Variants in SCAF4 observed in about 807,000 individuals in gnomAD.
The protein encoded by SCAF4 is SR-related CTD associated factor 4.
In SCAF4, 25 loss-of-function variants were observed where a neutral mutation model predicts 129.8. That is an observed-to-expected ratio of 0.19 (90% CI 0.14 to 0.27). SCAF4 has a LOEUF of 0.27. SCAF4 is among the 10% of genes least tolerant of loss of function. SCAF4 has a pLI of 1.00. For missense variants in SCAF4, 1,246 were observed against 1,457.1 expected (o/e 0.86, Z 2.36); for synonymous variants, 551 against 497.7 (o/e 1.11, Z -1.43).
intron 1 of SCAF4, among the ~76,000 whole-genome samples, chr21:31,727,661 G>A (rs1218573959): frequency 6.6e-6 from 1 of 151,974 alleles, no homozygotes; most frequent in Non-Finnish European, 1.5e-5. Context: ...GAGTGGTGGT[G>A]TGCTCCTGTA....
At position 31,671,489 on chromosome 21, in the gene SCAF4, G is replaced by T. The variant is rs575462538; in HGVS notation, c.3354C>A (p.Val1118=). Residue 1118 remains valine (V), a synonymous_variant, in exon 20 of 20, where the codon GTC becomes GTA. Transcript: ENST00000286835. ...ELEKGVSEAA[V]LKPSEELPAE... is the part of the protein sequence containing the mutation. Reference sequence around the variant, plus strand: ...CAGGTAACTCTTCAGAAGGCTTTAGGACTGCAGCCTCAGACACCCCCTTCT... The same window carrying T: ...CAGGTAACTCTTCAGAAGGCTTTAGTACTGCAGCCTCAGACACCCCCTTCT... The T allele has an allele frequency of 1.9e-6, 3 of 1,614,170 alleles. No individual in the cohort carries two copies. Among genetic ancestry groups the T allele is most frequent in the African/African-American group, 2.7e-5 (2 of 75,034 alleles).
At chr21:31,723,629 T>TGTGTGTGTGTGTGTGTGTGTGC (rs1271033175) in intron 1 of SCAF4, among the ~76,000 whole-genome samples, 37 of 148,996 alleles carry the variant, frequency 2.5e-4, no homozygotes, top group African/African-American at 8.6e-4. Flanking sequence ...TGTGTGTGTG[T>TGTGTGTGTGTGTGTGTGTGTGC]GCGCGCGCGC....
chr21:31,717,842 T>TACACACACAC (rs66498283), intron 1 of SCAF4, among the ~76,000 whole-genome samples: 14 of 114,382 alleles, frequency 1.2e-4, no homozygotes, highest in East Asian at 4.7e-4. Flanking sequence ...TATATATATA[T>TACACACACAC]ACACACACAC....
intron 5 of SCAF4, 68 bp downstream of exon 5, chr21:31,702,176 A>C (rs959951969): frequency 2.5e-6 from 4 of 1,593,072 alleles, no homozygotes; most frequent in East Asian, 2.2e-5. Context: ...CAATACACAT[A>C]AACTCTGACT....
intron 1 of SCAF4, among the ~76,000 whole-genome samples, chr21:31,728,623 T>C (rs1240104646): frequency 6.6e-6 from 1 of 152,168 alleles, no homozygotes; most frequent in Non-Finnish European, 1.5e-5. Flanking sequence ...CTATGCAGGG[T>C]TGTGGGAATA....
At chr21:31,694,353 T>C in intron 10 of SCAF4, 64 bp from the exon 11 acceptor site, 1 of 1,045,564 alleles carries the variant, frequency 9.6e-7, no homozygotes, top group South Asian at 1.5e-5. Context: ...GAGGACAAAA[T>C]CTAACAAAAG....
rs182649597 is a variant in SCAF4, at chr21:31,729,274, C to T, written c.30+2389G>A. Among the ~76,000 whole-genome samples, 89 of 152,300 alleles carry T rather than the reference C, an allele frequency of 5.8e-4. 1 individual carries two copies. The highest frequency in any genetic ancestry group is 2.0e-3 in the African/African-American group (83 of 41,558). On this transcript the variant is annotated intron_variant, in intron 1 of 19. Coordinates refer to ENST00000286835, the MANE Select transcript of SCAF4 (RefSeq NM_020706.2). ...AATACTCACTTTTCAGCACTACTGC[C>T]CTTCGATCACTGCTTCCTACATCTT... is the stretch of plus-strand genomic sequence containing the variant.
rs796625672 is a variant in SCAF4 at position 31,717,826 on chromosome 21, C to CATATATATATAT, written c.31-11481_31-11470dup. ...AAAAAAATTTTTGGGAAACTGCTGC[C>CATATATATATAT]ATATATATATATATATACACACACA... On this transcript the variant is annotated intron_variant, in intron 1 of 19. Transcript: ENST00000286835. Among the ~76,000 whole-genome samples the CATATATATATAT allele has an allele frequency of 3.0e-3, 336 of 110,252 alleles. 2 individuals are homozygous for CATATATATATAT. Among genetic ancestry groups the CATATATATATAT allele is most frequent in the East Asian group, 0.016 (61 of 3,884 alleles). 72.3% of individuals were successfully genotyped at this position (110,252 alleles called of 152,430 possible). A position where few individuals can be genotyped will look rare whatever the true frequency, so the allele number is the denominator to read the frequency against.
chr21:31,693,949 A>G (rs1568838790), intron 11 of SCAF4, among the ~76,000 whole-genome samples: 1 of 152,134 alleles, frequency 6.6e-6, no homozygotes, highest in African/African-American at 2.4e-5. Context: ...CTGATTACCT[A>G]TGTATAGAAT....
At chr21:31,717,618 A>T (rs374083571) in intron 1 of SCAF4, among the ~76,000 whole-genome samples, 4 of 152,192 alleles carry the variant, frequency 2.6e-5, no homozygotes, top group African/African-American at 9.6e-5. Context: ...CCACAGAGTA[A>T]ATCTTGTCTT....
At chr21:31,695,590 A>G (rs1195811375) in intron 9 of SCAF4, among the ~76,000 whole-genome samples, 2 of 152,224 alleles carry the variant, frequency 1.3e-5, no homozygotes, top group African/African-American at 4.8e-5. Flanking sequence ...AACACTTGAA[A>G]TAACAAAAAT....
intron 6 of SCAF4, 147 bp from the exon 7 acceptor site, chr21:31,701,318 A>G (rs1198188503): frequency 1.6e-6 from 1 of 616,308 alleles, no homozygotes; most frequent in African/African-American, 1.9e-5. Context: ...TGAATGGTTA[A>G]ATTTGTTGTG....
At chr21:31,707,322 C>T (rs2050691979) in intron 1 of SCAF4, among the ~76,000 whole-genome samples, 1 of 152,174 alleles carries the variant, frequency 6.6e-6, no homozygotes, top group African/African-American at 2.4e-5. Flanking sequence ...CACTGCACTC[C>T]AGCCTGGGCA....
At chr21:31,710,804 C>G (rs1460524443) in intron 1 of SCAF4, among the ~76,000 whole-genome samples, 1 of 152,210 alleles carries the variant, frequency 6.6e-6, no homozygotes, top group Non-Finnish European at 1.5e-5. Context: ...CAAATTCCAA[C>G]TGGTTAAGGA....
chr21:31,685,611 TGGAGGAGGAGGG>T lies in SCAF4; in HGVS notation c.2154_2165del (p.Pro720_Pro723del). On this transcript the variant is annotated inframe_deletion, in exon 17 of 20. Transcript: ENST00000286835. ...GGTTGAATCCTGGGCGCAAAAATGGTGGAGGAGGAGGGGGAGGAGGAACACCAGGACCAAAGC... is the reference window on the plus strand; with the variant it reads ...GGTTGAATCCTGGGCGCAAAAATGGTGGAGGAGGAACACCAGGACCAAAGC... The T allele has an allele frequency of 1.2e-6, 2 of 1,613,722 alleles. No individual in the cohort carries two copies. Among genetic ancestry groups the T allele is most frequent in the Non-Finnish European group, 1.7e-6 (2 of 1,179,932 alleles).
chr21:31,714,150 T>C lies in SCAF4; in HGVS notation c.31-7793A>G, dbSNP rs576129040. Among the ~76,000 whole-genome samples, 126 of 152,156 alleles carry C rather than the reference T, an allele frequency of 8.3e-4. 1 individual carries two copies. Among genetic ancestry groups the C allele is most frequent in the South Asian group, 6.0e-3 (29 of 4,822 alleles). On this transcript the variant is annotated intron_variant, in intron 1 of 19. Transcript: ENST00000286835. Reference sequence around the variant, plus strand: ...CTGATATCTGCTTGATAGGTATCAGTTTCAGTTAGAACTAAATGAGTTTTT... The same window carrying C: ...CTGATATCTGCTTGATAGGTATCAGCTTCAGTTAGAACTAAATGAGTTTTT...
At chr21:31,718,857 G>A (rs901126430) in intron 1 of SCAF4, among the ~76,000 whole-genome samples, 1 of 151,986 alleles carries the variant, frequency 6.6e-6, no homozygotes, top group African/African-American at 2.4e-5. Context: ...CAATCTTGTT[G>A]ACTTTTCTTC....
At chr21:31,720,008 C>A (rs754062082) in intron 1 of SCAF4, among the ~76,000 whole-genome samples, 1 of 152,154 alleles carries the variant, frequency 6.6e-6, no homozygotes, top group Non-Finnish European at 1.5e-5. Flanking sequence ...GAAAGACAGG[C>A]CAGGAGGTGA....
Position 31,723,627 on chromosome 21 carries a change from T to TGCGC in SCAF4, c.30+8035_30+8036insGCGC, listed in dbSNP as rs200958555. ...TTTATATGATGTGTGTGTGTGTGTG[T>TGCGC]GTGCGCGCGCGCGCGCGCGCACATA... On this transcript the variant is annotated intron_variant, in intron 1 of 19. Coordinates refer to ENST00000286835, the MANE Select transcript of SCAF4 (RefSeq NM_020706.2). Among the ~76,000 whole-genome samples, 4 of 142,678 alleles carry TGCGC rather than the reference T, an allele frequency of 2.8e-5. No individual in the cohort carries two copies. In the South Asian group the frequency reaches 7.0e-4, roughly 25 times the overall value. 93.6% of individuals were successfully genotyped at this position (142,678 alleles called of 152,430 possible).
Sources: allele counts gnomAD v4.1 joint callset (sites outside exome capture counted in the v4.1 genomes callset), GRCh38; gene constraint gnomAD v4.1.1; transcripts MANE v1.5; gene names NCBI Gene and HGNC (gene_info 2026-07-23, HGNC 2026-07-21).